ATP8A2: variants seen among roughly 807,000 people sequenced by gnomAD.
ATP8A2 encodes ATPase phospholipid transporting 8A2.
A neutral mutation model predicts 165.6 loss-of-function variants in ATP8A2; 100 were observed. The observed-to-expected ratio is 0.60, with a 90% CI of 0.51 to 0.71. The LOEUF is 0.71. Among genes scored for constraint, ATP8A2 ranks in the 30% least tolerant of loss-of-function variants. The pLI is 0.00. For missense variants in ATP8A2, 1,227 were observed against 1,479.5 expected, an observed-to-expected ratio of 0.83 and a Z score of 2.80; for synonymous variants, 543 against 548.8, an observed-to-expected ratio of 0.99 and a Z score of 0.15.
At chr13:25,597,086 A>G (rs944720775) in intron 24 of ATP8A2, among the ~76,000 whole-genome samples, 2 of 152,178 alleles carry the variant, frequency 1.3e-5, no homozygotes, top group Non-Finnish European at 2.9e-5. Context: ...ACTTTTGCCC[A>G]TTTAAAAAAA....
In ATP8A2 at chr13:25,755,856, A is replaced by G. The variant is rs149403873; in HGVS notation, c.2385-13190A>G. 9.5e-3 allele frequency among the ~76,000 whole-genome samples: 1,449 copies of G among 152,280 alleles called. 28 individuals carry two copies. Among genetic ancestry groups the G allele is most frequent in the African/African-American group, 0.033 (1,378 of 41,564 alleles). ...TGGGAGGTGGACGTTGCAGGCAGCC[A>G]AGATCACACCACTGCACTCCAACCC... On this transcript the variant is annotated intron_variant, in intron 25 of 36. Coordinates refer to ENST00000381655, the MANE Select transcript of ATP8A2 (RefSeq NM_016529.6).
intron 27 of ATP8A2, among the ~76,000 whole-genome samples, chr13:25,780,507 G>A (rs1348740841): frequency 1.3e-5 from 2 of 151,902 alleles, no homozygotes; most frequent in Non-Finnish European, 2.9e-5. Flanking sequence ...AGCAATTTGG[G>A]GACCAAATGA....
At chr13:25,457,057 G>T (rs886313570) in intron 1 of ATP8A2, among the ~76,000 whole-genome samples, 2 of 152,166 alleles carry the variant, frequency 1.3e-5, no homozygotes, top group Non-Finnish European at 2.9e-5. Flanking sequence ...GTTCAAAGCC[G>T]TTCTGGGCTA....
chr13:25,707,991 A>G (rs556685992), intron 25 of ATP8A2, among the ~76,000 whole-genome samples: 1 of 152,308 alleles, frequency 6.6e-6, no homozygotes, highest in Admixed American at 6.5e-5. Flanking sequence ...CTTGTGAGAC[A>G]CCAGAAGAGC....
intron 33 of ATP8A2, among the ~76,000 whole-genome samples, chr13:25,915,424 G>A (rs891826931): frequency 6.6e-6 from 1 of 152,204 alleles, no homozygotes; most frequent in Non-Finnish European, 1.5e-5. Context: ...TGTGATGAAA[G>A]GACCAAGACA....
At chr13:25,941,885 C>T (rs1482802588) in intron 33 of ATP8A2, among the ~76,000 whole-genome samples, 1 of 152,178 alleles carries the variant, frequency 6.6e-6, no homozygotes, top group Non-Finnish European at 1.5e-5. Flanking sequence ...ATGCTGACCA[C>T]ATTATATGAG....
chr13:25,989,358 T>G (rs1298700868), intron 35 of ATP8A2, among the ~76,000 whole-genome samples: 1 of 152,218 alleles, frequency 6.6e-6, no homozygotes, highest in Non-Finnish European at 1.5e-5. Flanking sequence ...CACAGTCATA[T>G]CAGAGATATC....
At chr13:25,984,081 A>G (rs1165554184) in intron 35 of ATP8A2, among the ~76,000 whole-genome samples, 2 of 151,936 alleles carry the variant, frequency 1.3e-5, no homozygotes, top group Non-Finnish European at 2.9e-5. Flanking sequence ...AAAAGTTTTA[A>G]AAAAAATTAG....
At chr13:25,902,971 A>ACACACACACACACACG (rs1286764397) in intron 33 of ATP8A2, among the ~76,000 whole-genome samples, 3 of 151,222 alleles carry the variant, frequency 2.0e-5, no homozygotes, top group Non-Finnish European at 4.4e-5. Flanking sequence ...ACACACACAC[A>ACACACACACACACACG]CGTAAATGCA....
chr13:25,419,822 A>G (rs1240121106), intron 1 of ATP8A2, among the ~76,000 whole-genome samples: 1 of 152,232 alleles, frequency 6.6e-6, no homozygotes, highest in Admixed American at 6.5e-5. Context: ...TGCAATGTGA[A>G]TAGATGATCA....
chr13:25,591,759 T>C (rs1160391541), intron 24 of ATP8A2, among the ~76,000 whole-genome samples: 1 of 152,032 alleles, frequency 6.6e-6, no homozygotes, highest in Non-Finnish European at 1.5e-5. Flanking sequence ...ATTTTTGTAT[T>C]TTTAGTAGAG....
intron 15 of ATP8A2, among the ~76,000 whole-genome samples, chr13:25,561,274 G>A (rs184555824): frequency 1.1e-4 from 17 of 152,078 alleles, no homozygotes; most frequent in Admixed American, 4.6e-4. Flanking sequence ...CTCCTCTCCA[G>A]CTTCCCTGTT....
intron 24 of ATP8A2, among the ~76,000 whole-genome samples, chr13:25,648,522 G>T (rs1306785046): frequency 6.6e-6 from 1 of 152,094 alleles, no homozygotes; most frequent in Non-Finnish European, 1.5e-5. Context: ...AGATTAGCTG[G>T]GTGTGGTGGT....
intron 26 of ATP8A2, 49 bp from the exon 27 acceptor site, chr13:25,774,800 T>C (rs754292641): frequency 1.8e-6 from 2 of 1,095,894 alleles, no homozygotes; most frequent in South Asian, 1.3e-5. Flanking sequence ...TTGTGACTTT[T>C]ATTCCTCAAT....
chr13:25,721,156 G>C (rs3117852), intron 25 of ATP8A2, among the ~76,000 whole-genome samples: 33,484 of 151,084 alleles, frequency 0.22, 5,613 homozygotes, highest in African/African-American at 0.48. Flanking sequence ...TAGGGATAAG[G>C]GTCTTGCTGT....
At chr13:25,473,309 G>T (rs1178712308) in intron 2 of ATP8A2, among the ~76,000 whole-genome samples, 2 of 152,162 alleles carry the variant, frequency 1.3e-5, no homozygotes, top group Admixed American at 1.3e-4. Flanking sequence ...AATGAATTCA[G>T]ATTATCATAA....
rs758088158 is a variant in ATP8A2, at chr13:25,545,506, CA to C, written c.891+2115del. ...TGGGTGACATAGTGAGACCCCATTT[CA>C]AAAAAAAAAATAGTTTAGTACCCTG... On this transcript the variant is annotated intron_variant, in intron 10 of 36. Coordinates refer to ENST00000381655, the MANE Select transcript of ATP8A2 (RefSeq NM_016529.6). 7.9e-3 allele frequency among the ~76,000 whole-genome samples: 1,153 copies of C among 145,062 alleles called. 7 individuals carry two copies. The highest frequency in any genetic ancestry group is 0.02 in the African/African-American group (786 of 39,836).
At chr13:25,532,151 A>G (rs886153312) in intron 4 of ATP8A2, 121 bp from the exon 5 acceptor site, 5 of 761,202 alleles carry the variant, frequency 6.6e-6, no homozygotes, top group South Asian at 1.7e-5. Flanking sequence ...ATTTTACAGC[A>G]TGAGCATTAT....
intron 25 of ATP8A2, among the ~76,000 whole-genome samples, chr13:25,739,228 C>T (rs2043854223): frequency 6.6e-6 from 1 of 152,200 alleles, no homozygotes; most frequent in African/African-American, 2.4e-5. Context: ...CCCAGGGCAC[C>T]TTGGCGATGC....
Sources: allele counts gnomAD v4.1 joint callset (sites outside exome capture counted in the v4.1 genomes callset), GRCh38; gene constraint gnomAD v4.1.1; transcripts MANE v1.5; gene names NCBI Gene and HGNC (gene_info 2026-07-23, HGNC 2026-07-21).